Variants in ACVR2A observed in about 807,000 individuals in gnomAD.
ACVR2A encodes the protein activin receptor type-2A.
Under a neutral mutation model 61.4 loss-of-function variants are expected in ACVR2A, and 7 were observed. The ratio of observed to expected loss-of-function variants is 0.11; its 90% confidence interval spans 0.06 to 0.21. The LOEUF is 0.21. ACVR2A is among the 10% of genes least tolerant of loss of function. The pLI, the probability that ACVR2A is intolerant of heterozygous loss-of-function variation, is 1.00. For synonymous variants in ACVR2A, 193 were observed against 208.3 expected (o/e 0.93, Z 0.63); for missense variants, 322 against 621.7 (o/e 0.52, Z 5.13).
chr2:147,883,315 C>T (rs771905318), intron 1 of ACVR2A, among the ~76,000 whole-genome samples: 3 of 152,140 alleles, frequency 2.0e-5, no homozygotes, highest in Non-Finnish European at 4.4e-5. Context: ...CTCAGCCTCC[C>T]GAGTAGCTGG....
At chr2:147,856,524 A>T in intron 1 of ACVR2A, among the ~76,000 whole-genome samples, 1 of 152,160 alleles carries the variant, frequency 6.6e-6, no homozygotes, top group East Asian at 1.9e-4. Flanking sequence ...CCTTTCTTTT[A>T]CCTGGTAGTG....
chr2:147,918,575 A>AAC lies in ACVR2A; in HGVS notation c.945_946insAC (p.Pro316ThrfsTer16). Reference sequence around the variant, plus strand: ...TACCTGGCCTAAAAGATGGCCACAAACCTGCCATATCTCACAGGTAGACTA... The same window carrying AAC: ...TACCTGGCCTAAAAGATGGCCACAAAACCCTGCCATATCTCACAGGTAGACTA... On this transcript the variant is annotated frameshift_variant, in exon 7 of 11. Coordinates refer to ENST00000241416, the MANE Select transcript of ACVR2A (RefSeq NM_001616.5). LOFTEE classifies it high-confidence loss of function. 6.3e-7 allele frequency: 1 copy of AAC among 1,582,448 alleles called. No individual in the cohort carries two copies. Among genetic ancestry groups the AAC allele is most frequent in the Admixed American group, 1.7e-5 (1 of 57,366 alleles).
At chr2:147,918,904 T>C (rs1687315873) in intron 7 of ACVR2A, among the ~76,000 whole-genome samples, 1 of 152,092 alleles carries the variant, frequency 6.6e-6, no homozygotes, top group African/African-American at 2.4e-5. Context: ...GATTTATCAA[T>C]AGGGATTATT....
At chr2:147,864,341 T>G (rs1441674888) in intron 1 of ACVR2A, among the ~76,000 whole-genome samples, 1 of 152,144 alleles carries the variant, frequency 6.6e-6, no homozygotes, top group Non-Finnish European at 1.5e-5. Context: ...GCAATTCTCC[T>G]GCCTCAGCCT....
intron 1 of ACVR2A, among the ~76,000 whole-genome samples, chr2:147,877,812 A>G (rs1478697985): frequency 3.9e-5 from 6 of 152,222 alleles, no homozygotes; most frequent in Admixed American, 2.6e-4. Flanking sequence ...AGATGTTTAT[A>G]TGAAAGCTTT....
chr2:147,915,421 T>TA (rs1166400952), intron 5 of ACVR2A, 87 bp downstream of exon 5: 1 of 1,526,720 alleles, frequency 6.5e-7, no homozygotes, highest in African/African-American at 1.4e-5. Flanking sequence ...ACAGAAGCCA[T>TA]ATGTACCAAG....
At chr2:147,862,041 GAACTAA>G (rs1175233808) in intron 1 of ACVR2A, among the ~76,000 whole-genome samples, 1 of 152,160 alleles carries the variant, frequency 6.6e-6, no homozygotes, top group Non-Finnish European at 1.5e-5. Flanking sequence ...AGTGGAGCTA[GAACTAA>G]AACCCTGATT....
At position 147,896,319 on chromosome 2, in the gene ACVR2A, C is replaced by A; in HGVS notation, c.74C>A (p.Ser25Ter). Residue 25 changes from serine to a stop codon, truncating the protein, a stop_gained, in exon 2 of 11, where the codon TCA becomes TAA. Coordinates refer to ENST00000241416, the MANE Select transcript of ACVR2A (RefSeq NM_001616.5). LOFTEE classifies it high-confidence loss of function. ...CTTATAGGTGCTATACTTGGTAGAT[C>A]AGAAACTCAGGAGTGTCTTTTCTTT... ...SCSSGAILGR[S>*]ETQECLFFNA... 1 of 1,613,462 alleles carries A rather than the reference C, an allele frequency of 6.2e-7. No individual in the cohort carries two copies. The highest frequency in any genetic ancestry group is 1.1e-5 in the South Asian group (1 of 91,046).
intron 4 of ACVR2A, among the ~76,000 whole-genome samples, chr2:147,910,633 A>G (rs549902555): frequency 5.3e-4 from 81 of 152,268 alleles, no homozygotes; most frequent in African/African-American, 1.9e-3. Context: ...GAACATAGCC[A>G]TCATCCATTG....
chr2:147,899,492 G>A lies in ACVR2A; in HGVS notation c.298G>A (p.Val100Ile). 1.9e-6 allele frequency: 3 copies of A among 1,613,034 alleles called. No homozygotes were observed. Among genetic ancestry groups the A allele is most frequent in the Non-Finnish European group, 2.5e-6 (3 of 1,179,436 alleles). Residue 100 changes from valine to isoleucine, a missense_variant, in exon 3 of 11, where the codon GTA (valine) becomes ATA (isoleucine). Physicochemically the swap from Val to Ile is conservative, Grantham distance 29. This residue lies in a region of ACVR2A where 142 missense variants were observed against 200.3 expected (regional missense o/e 0.71). Coordinates refer to ENST00000241416, the MANE Select transcript of ACVR2A (RefSeq NM_001616.5). ...DCVEKKDSPEVYFCCCEGNMC... is the reference protein window; with the variant it reads ...DCVEKKDSPEIYFCCCEGNMC... The stretch of plus-strand genomic sequence containing the variant: ...TGTAGAAAAAAAAGACAGCCCTGAA[G>A]TATATTTTTGTTGCTGTGAGGGCAA...
chr2:147,873,774 T>C (rs2105160927), intron 1 of ACVR2A, among the ~76,000 whole-genome samples: 1 of 152,118 alleles, frequency 6.6e-6, no homozygotes, highest in Non-Finnish European at 1.5e-5. Flanking sequence ...TTGACAATGC[T>C]TAATATTCTA....
chr2:147,885,759 G>A (rs1451677570), intron 1 of ACVR2A, among the ~76,000 whole-genome samples: 2 of 152,076 alleles, frequency 1.3e-5, no homozygotes, highest in African/African-American at 2.4e-5. Context: ...TGTAGGTAAA[G>A]TTTGAATAAA....
intron 9 of ACVR2A, among the ~76,000 whole-genome samples, chr2:147,923,523 C>G (rs1019990317): frequency 6.6e-6 from 1 of 152,044 alleles, no homozygotes; most frequent in African/African-American, 2.4e-5. Context: ...TCATATGGGT[C>G]CTGCCCCCCA....
rs1687352195 is a variant in ACVR2A, at chr2:147,920,453, G to A, written c.1077+109G>A. 7 of 784,918 alleles carry A rather than the reference G, an allele frequency of 8.9e-6. No individual in the cohort carries two copies. In the South Asian group the frequency reaches 1.3e-4, roughly 14 times the overall value. The allele number at this position is 784,918 out of a possible 1,614,324, so 48.6% of individuals were successfully genotyped here. On this transcript the variant is annotated intron_variant, in intron 8 of 10. Coordinates refer to ENST00000241416, the MANE Select transcript of ACVR2A (RefSeq NM_001616.5). The stretch of plus-strand genomic sequence containing the variant: ...TAAAATTGTTGTGGTGTTTAAATCA[G>A]CATCTAATAGAGTTATCAAAGTTTC...
At chr2:147,909,950 A>C (rs1048652581) in intron 4 of ACVR2A, among the ~76,000 whole-genome samples, 1 of 151,778 alleles carries the variant, frequency 6.6e-6, no homozygotes, top group African/African-American at 2.4e-5. Context: ...CTTTAAAAAA[A>C]TTTTGCTTTA....
chr2:147,898,563 C>T (rs963070181), intron 2 of ACVR2A, among the ~76,000 whole-genome samples: 1 of 152,016 alleles, frequency 6.6e-6, no homozygotes, highest in South Asian at 2.1e-4. Flanking sequence ...CAGCTTTTCA[C>T]TTAAGAATTA....
In ACVR2A at chr2:147,878,934, A is replaced by G. The variant is rs564427090; in HGVS notation, c.56-17367A>G. Among the ~76,000 whole-genome samples, 5 of 152,126 alleles carry G rather than the reference A, an allele frequency of 3.3e-5. No homozygotes were observed. The East Asian group carries it at 9.7e-4, about 29-fold the overall frequency. ...AAAAAAAAAAATCTTTTTTTGGAGG[A>G]AAAGGTAATGGTTATAGAAAAATCA... On this transcript the variant is annotated intron_variant, in intron 1 of 10. Transcript: ENST00000241416.
At chr2:147,906,243 C>CTTGT (rs1184202837) in intron 4 of ACVR2A, among the ~76,000 whole-genome samples, 2 of 151,984 alleles carry the variant, frequency 1.3e-5, no homozygotes, top group Non-Finnish European at 2.9e-5. Context: ...GCTAAAGCTG[C>CTTGT]TTGTAGCACA....
intron 8 of ACVR2A, among the ~76,000 whole-genome samples, chr2:147,922,277 G>T (rs1216835436): frequency 3.3e-5 from 5 of 152,044 alleles, no homozygotes; most frequent in Non-Finnish European, 7.4e-5. Flanking sequence ...AGAGATTATA[G>T]CCACCTAAGG....
Sources: gnomAD v4.1 joint callset for allele counts (sites outside exome capture counted in the v4.1 genomes callset) on GRCh38, gnomAD v4.1.1 for gene constraint, gnomAD v4.1.1 regional missense constraint, MANE v1.5 for transcripts, NCBI Gene and HGNC (gene_info 2026-07-23, HGNC 2026-07-21) for gene names.